RGS7: variants seen among roughly 807,000 people sequenced by gnomAD.
RGS7 encodes regulator of G protein signaling 7, also known as regulator of G-protein signaling 7.
Under a neutral mutation model 81.1 loss-of-function variants are expected in RGS7, and 27 were observed. That is an observed-to-expected ratio of 0.33 (90% CI 0.25 to 0.46). The LOEUF (loss-of-function observed/expected upper bound fraction) is 0.46, where lower values mean the gene tolerates loss of function less well. Among genes scored for constraint, RGS7 ranks in the 20% least tolerant of loss-of-function variants. RGS7 has a pLI of 1.00. For synonymous variants in RGS7, 208 were observed against 207.7 expected (o/e 1.00, Z -0.01); for missense variants, 396 against 607.4 (o/e 0.65, Z 3.66).
At chr1:241,086,729 C>T (rs1384231004) in intron 3 of RGS7, among the ~76,000 whole-genome samples, 1 of 152,184 alleles carries the variant, frequency 6.6e-6, no homozygotes, top group Non-Finnish European at 1.5e-5. Context: ...TGAACTCCTC[C>T]AGATTCTAAC....
At chr1:241,249,783 T>C (rs1358609124) in intron 2 of RGS7, among the ~76,000 whole-genome samples, 1 of 152,156 alleles carries the variant, frequency 6.6e-6, no homozygotes, top group Non-Finnish European at 1.5e-5. Context: ...ACAAGGATGC[T>C]TCTAGTACTG....
chr1:240,857,838 C>T (rs1661427980), intron 9 of RGS7, among the ~76,000 whole-genome samples: 1 of 152,092 alleles, frequency 6.6e-6, no homozygotes. Flanking sequence ...GTAATTGAAT[C>T]ATGGGGGTGG....
chr1:240,946,577 G>A (rs1056319854), intron 4 of RGS7, among the ~76,000 whole-genome samples: 1 of 152,012 alleles, frequency 6.6e-6, no homozygotes, highest in Non-Finnish European at 1.5e-5. Context: ...ACTGCACTGG[G>A]TGACAGAGTA....
At chr1:240,825,616 C>T (rs955626608) in intron 10 of RGS7, among the ~76,000 whole-genome samples, 4 of 152,138 alleles carry the variant, frequency 2.6e-5, no homozygotes, top group African/African-American at 9.7e-5. Context: ...TAGATGTTAT[C>T]GAGACAAAGA....
intron 2 of RGS7, among the ~76,000 whole-genome samples, chr1:241,309,333 C>T (rs1443571473): frequency 7.8e-6 from 1 of 128,200 alleles, no homozygotes; most frequent in Non-Finnish European, 1.5e-5. Context: ...TAGCAGTGAG[C>T]AGAGATCACA....
chr1:241,165,917 G>A (rs954430594), intron 2 of RGS7, among the ~76,000 whole-genome samples: 11 of 151,718 alleles, frequency 7.3e-5, no homozygotes, highest in African/African-American at 1.9e-4. Flanking sequence ...CATCTGCATC[G>A]GCCACTGAGA....
intron 2 of RGS7, among the ~76,000 whole-genome samples, chr1:241,187,514 TAAAA>T (rs1222206091): frequency 1.3e-5 from 2 of 152,194 alleles, no homozygotes; most frequent in Non-Finnish European, 2.9e-5. Context: ...GAAGGCTCCT[TAAAA>T]AGGTACTCCA....
At chr1:241,239,508 G>A (rs886215822) in intron 2 of RGS7, among the ~76,000 whole-genome samples, 4 of 152,068 alleles carry the variant, frequency 2.6e-5, no homozygotes, top group South Asian at 2.1e-4. Flanking sequence ...CTTTTTAGCC[G>A]TCTATAATCT....
Position 240,868,973 on chromosome 1 carries a change from T to C in RGS7, c.451-121A>G. The C allele has an allele frequency of 1.1e-6, 1 of 878,826 alleles. No individual in the cohort carries two copies. Among genetic ancestry groups the C allele is most frequent in the Admixed American group, 1.8e-5 (1 of 54,718 alleles). The allele number at this position is 878,826 out of a possible 1,614,324, so 54.4% of individuals were successfully genotyped here. A position where few individuals can be genotyped will look rare whatever the true frequency, so the allele number is the denominator to read the frequency against. ...AGAGTTTCTAAAGCCCTAAGTGTAC[T>C]GTGGTTCTCAATGATAAGTCATGCT... On this transcript the variant is annotated intron_variant, in intron 7 of 18. Transcript: ENST00000440928. The surrounding 1 kb of genome is among the most constrained non-coding windows in gnomAD (Gnocchi z 5.1).
chr1:241,275,547 G>C (rs527440410), intron 2 of RGS7, among the ~76,000 whole-genome samples: 1 of 152,116 alleles, frequency 6.6e-6, no homozygotes, highest in Non-Finnish European at 1.5e-5. Flanking sequence ...CCTTGAGGCC[G>C]TCCTTCTCTC....
chr1:241,123,674 C>T (rs1025482489), intron 2 of RGS7, among the ~76,000 whole-genome samples: 3 of 152,162 alleles, frequency 2.0e-5, no homozygotes, highest in Non-Finnish European at 4.4e-5. Flanking sequence ...TCACTTGAAC[C>T]CGGGAGGCGG....
chr1:241,251,499 TTTTC>T (rs1427547679), intron 2 of RGS7, among the ~76,000 whole-genome samples: 5 of 151,448 alleles, frequency 3.3e-5, no homozygotes, highest in Non-Finnish European at 5.9e-5. Flanking sequence ...TTCTTTTTTC[TTTTC>T]TTTCTTTCTT....
At chr1:240,863,752 A>G (rs1469865266) in intron 9 of RGS7, among the ~76,000 whole-genome samples, 1 of 152,156 alleles carries the variant, frequency 6.6e-6, no homozygotes, top group Admixed American at 6.5e-5. Flanking sequence ...AGGATATGTG[A>G]AAACCGTTTT....
At chr1:240,804,458 C>CA (rs200110637) in intron 15 of RGS7, among the ~76,000 whole-genome samples, 1 of 147,356 alleles carries the variant, frequency 6.8e-6, no homozygotes, top group East Asian at 2.0e-4. Context: ...TTTTTAAAAA[C>CA]CACAAAAAAA....
At chr1:240,894,759 C>T (rs1044951032) in intron 6 of RGS7, among the ~76,000 whole-genome samples, 3 of 151,938 alleles carry the variant, frequency 2.0e-5, no homozygotes, top group Admixed American at 1.3e-4. Flanking sequence ...AATCTGTTTA[C>T]TTTTCTTTAT....
rs190255197 is a variant in RGS7 at position 241,344,855 on chromosome 1, G to T, written c.78+10844C>A. 8.0e-4 allele frequency among the ~76,000 whole-genome samples: 122 copies of T among 152,338 alleles called. 3 individuals carry two copies. The South Asian group carries it at 0.016, about 20-fold the overall frequency. On this transcript the variant is annotated intron_variant, in intron 2 of 18. Coordinates refer to ENST00000440928, the MANE Select transcript of RGS7 (RefSeq NM_001364886.1). ...GAGCACCTACTAAGTGTCAGAGGCTGTTAAACCTTGGGCACTGTGCTAGGC... is the reference window on the plus strand; with the variant it reads ...GAGCACCTACTAAGTGTCAGAGGCTTTTAAACCTTGGGCACTGTGCTAGGC...
intron 4 of RGS7, among the ~76,000 whole-genome samples, chr1:240,967,598 A>G (rs2148496573): frequency 6.8e-6 from 1 of 147,818 alleles, no homozygotes. Context: ...CTGTAGCAAG[A>G]GTATGGGCTT....
At chr1:241,334,434 C>A (rs919387900) in intron 2 of RGS7, among the ~76,000 whole-genome samples, 3 of 152,080 alleles carry the variant, frequency 2.0e-5, no homozygotes, top group Non-Finnish European at 4.4e-5. Flanking sequence ...ACATGGGATT[C>A]TTTGATCATC....
intron 2 of RGS7, among the ~76,000 whole-genome samples, chr1:241,339,325 T>C (rs1228814177): frequency 6.6e-6 from 1 of 152,236 alleles, no homozygotes; most frequent in Non-Finnish European, 1.5e-5. Flanking sequence ...TCTTTGCTAC[T>C]GTGAATAGGC....
Sources: gnomAD v4.1 joint callset for allele counts (sites outside exome capture counted in the v4.1 genomes callset) on GRCh38, gnomAD v4.1.1 for gene constraint, Gnocchi (gnomAD v3.1) non-coding constraint, MANE v1.5 for transcripts, NCBI Gene and HGNC (gene_info 2026-07-23, HGNC 2026-07-21) for gene names.